The following ACSL5 variants were observed in gnomAD, a reference collection of about 807,000 sequenced individuals.
The protein encoded by ACSL5 is acyl-CoA synthetase long chain family member 5, also known as long-chain-fatty-acid--CoA ligase 5.
ACSL5 carries 50 observed loss-of-function variants against 84.9 expected under a neutral mutation model. The observed-to-expected ratio is 0.59, with a 90% confidence interval of 0.47 to 0.75. The LOEUF (loss-of-function observed/expected upper bound fraction) is 0.75, where lower values mean the gene tolerates loss of function less well. Ranked by LOEUF, ACSL5 falls within the 30% of genes least tolerant of loss-of-function variation. ACSL5 has a pLI of 0.00. For missense variants in ACSL5, 775 were observed against 830.4 expected, an observed-to-expected ratio of 0.93 and a Z score of 0.82; for synonymous variants, 280 against 300.7, an observed-to-expected ratio of 0.93 and a Z score of 0.71.
At chr10:112,390,017 C>A (rs1030398271) in intron 1 of ACSL5, among the ~76,000 whole-genome samples, 1 of 151,924 alleles carries the variant, frequency 6.6e-6, no homozygotes, top group African/African-American at 2.4e-5. Flanking sequence ...TCACTTGAGC[C>A]CAGCAGTTCA....
chr10:112,416,771 C>A (rs2133647633), intron 12 of ACSL5, 117 bp from the exon 13 acceptor site: 2 of 1,135,330 alleles, frequency 1.8e-6, no homozygotes, highest in East Asian at 2.4e-5. Flanking sequence ...CAATTCATGA[C>A]TGTGAGACTG....
intron 19 of ACSL5, 34 bp downstream of exon 19, chr10:112,426,393 C>A (rs1312737605): frequency 6.4e-7 from 1 of 1,573,198 alleles, no homozygotes; most frequent in East Asian, 2.2e-5. Flanking sequence ...TATGCACACC[C>A]ATGGGCCCAT....
rs776677744 is a variant in ACSL5, at chr10:112,413,213, A to G, written c.989A>G (p.Gln330Arg). 3 of 1,614,074 alleles carry G rather than the reference A, an allele frequency of 1.9e-6. No homozygotes were observed. The African/African-American group carries it at 4.0e-5, about 22-fold the overall frequency. ...TGTGGAGCCAGAGTTGGATTCTTCC[A>G]AGGGGATATTCGGTTGCTGGCTGAC... ...YSCGARVGFFQGDIRLLADDM... is the reference protein window; with the variant it reads ...YSCGARVGFFRGDIRLLADDM... The change falls in exon 12 of 21, where the codon CAA becomes CGA. Residue 330 changes from glutamine to arginine, a missense_variant. Coordinates refer to ENST00000354655, the MANE Select transcript of ACSL5 (RefSeq NM_203379.2).
intron 1 of ACSL5, among the ~76,000 whole-genome samples, chr10:112,382,741 T>C (rs1849375130): frequency 6.6e-6 from 1 of 152,234 alleles, no homozygotes. Context: ...TAACCCTTTC[T>C]CTGCCAGCTG....
rs924642330 is a variant in ACSL5 at position 112,428,303 on chromosome 10, C to T, written c.*945C>T. The T allele has an allele frequency of 5.1e-6, 2 of 394,760 alleles. No homozygotes were observed. The highest frequency in any genetic ancestry group is 8.9e-6 in the Non-Finnish European group (2 of 223,756). The allele number at this position is 394,760 out of a possible 1,614,324, so 24.5% of individuals were successfully genotyped here. ...CCACCCTTGGATTAGAGTTCCTGCT[C>T]TACCTTACCCACAGATAACACATGT... On this transcript the variant is annotated 3_prime_UTR_variant, in exon 21 of 21. Coordinates refer to ENST00000354655, the MANE Select transcript of ACSL5 (RefSeq NM_203379.2).
chr10:112,412,288 G>C, intron 11 of ACSL5: 1 of 293,338 alleles, frequency 3.4e-6, no homozygotes, highest in South Asian at 1.1e-4. Context: ...GCTGACACAA[G>C]ACATTGTCTT....
In ACSL5 at chr10:112,413,369, T is replaced by C. The variant is rs1844231423; in HGVS notation, c.1083+62T>C. ...GGGCCTGCACGAAGGAACTCTGTAC[T>C]ACTATGAGATTTACTCCACCTCTAC... On this transcript the variant is annotated intron_variant, in intron 12 of 20. Coordinates refer to ENST00000354655, the MANE Select transcript of ACSL5 (RefSeq NM_203379.2). 1.9e-6 allele frequency: 3 copies of C among 1,578,552 alleles called. No individual in the cohort carries two copies. The South Asian group carries it at 3.4e-5, about 18-fold the overall frequency.
At chr10:112,418,442 C>T (rs1384303099) in intron 14 of ACSL5, among the ~76,000 whole-genome samples, 3 of 151,998 alleles carry the variant, frequency 2.0e-5, no homozygotes, top group Non-Finnish European at 2.9e-5. Context: ...ATTAGCTGGG[C>T]GTGGTGGTGG....
At chr10:112,411,617 CACACACACAT>C in intron 10 of ACSL5, 88 bp downstream of exon 10, 3 of 1,176,138 alleles carry the variant, frequency 2.6e-6, no homozygotes, top group Non-Finnish European at 3.7e-6. Flanking sequence ...GGCAGACACA[CACACACACAT>C]ACACACACAC....
rs762155493 is a variant in ACSL5 at position 112,394,899 on chromosome 10, C to T, written c.-29-19C>T. Reference sequence around the variant, plus strand: ...TGGCCATTTCCTCTAAATTTTCTTTCCCCTGTTTTTTTTTTAAGGTCTGAA... The same window carrying T: ...TGGCCATTTCCTCTAAATTTTCTTTTCCCTGTTTTTTTTTTAAGGTCTGAA... On this transcript the variant is annotated intron_variant, in intron 1 of 20. Coordinates refer to ENST00000354655, the MANE Select transcript of ACSL5 (RefSeq NM_203379.2). 10 of 1,608,432 alleles carry T rather than the reference C, an allele frequency of 6.2e-6. No individual in the cohort carries two copies. In the African/African-American group the frequency reaches 1.3e-4, roughly 22 times the overall value.
intron 18 of ACSL5, 182 bp downstream of exon 18, chr10:112,425,663 C>A (rs1186378300): frequency 1.9e-6 from 1 of 523,944 alleles, no homozygotes. Flanking sequence ...TAAAAAATTT[C>A]AAAACTATGA....
At chr10:112,383,993 A>C (rs1274261243) in intron 1 of ACSL5, among the ~76,000 whole-genome samples, 1 of 152,056 alleles carries the variant, frequency 6.6e-6, no homozygotes, top group Admixed American at 6.6e-5. Context: ...CAGGAGCTCA[A>C]GACCAGCCTG....
chr10:112,417,689 C>G (rs1589696094), intron 13 of ACSL5, among the ~76,000 whole-genome samples, 157 bp from the exon 14 acceptor site: 1 of 152,126 alleles, frequency 6.6e-6, no homozygotes, highest in East Asian at 1.9e-4. Flanking sequence ...TTTCTACAAT[C>G]CAGACTGTAT....
intron 1 of ACSL5, among the ~76,000 whole-genome samples, chr10:112,380,188 A>T (rs1316746581): frequency 6.6e-6 from 1 of 152,110 alleles, no homozygotes; most frequent in Non-Finnish European, 1.5e-5. Context: ...TATCGACCTG[A>T]GCTCCTGTGG....
chr10:112,380,363 G>T (rs1849325371), intron 1 of ACSL5, among the ~76,000 whole-genome samples: 1 of 152,164 alleles, frequency 6.6e-6, no homozygotes, highest in South Asian at 2.1e-4. Context: ...GCTCTCTGGA[G>T]TATGTGAAGG....
rs1844472874 is a variant in ACSL5 at position 112,421,832 on chromosome 10, C to T, written c.1388-115C>T. 8.3e-6 allele frequency: 11 copies of T among 1,327,216 alleles called. 1 individual carries two copies. In the South Asian group the frequency reaches 1.3e-4, roughly 16 times the overall value. 82.2% of individuals were successfully genotyped at this position (1,327,216 alleles called of 1,614,324 possible). The stretch of plus-strand genomic sequence containing the variant: ...CTATCTTGGCTAGTCTGCATTGGTG[C>T]CAGGTGATTTTTCAGTCTTCCTCTT... On this transcript the variant is annotated intron_variant, in intron 15 of 20. Transcript: ENST00000354655.
At chr10:112,383,528 G>A (rs1287989471) in intron 1 of ACSL5, among the ~76,000 whole-genome samples, 1 of 152,228 alleles carries the variant, frequency 6.6e-6, no homozygotes, top group Non-Finnish European at 1.5e-5. Context: ...CCTTTGCTCT[G>A]GTTTCTTATC....
At chr10:112,426,749 T>G in intron 19 of ACSL5, 39 bp from the exon 20 acceptor site, 1 of 1,591,738 alleles carries the variant, frequency 6.3e-7, no homozygotes, top group Admixed American at 1.7e-5. Flanking sequence ...TCAGGCTTTT[T>G]GAAACAGCCA....
At chr10:112,375,621 C>T (rs1849221830) in intron 1 of ACSL5, 1 of 152,160 alleles carries the variant, frequency 6.6e-6, no homozygotes, top group African/African-American at 2.4e-5. Context: ...CCAGGGCCCC[C>T]CTGTAGCCAC....
Sources: allele counts gnomAD v4.1 joint callset (sites outside exome capture counted in the v4.1 genomes callset), GRCh38; gene constraint gnomAD v4.1.1; transcripts MANE v1.5; gene names NCBI Gene and HGNC (gene_info 2026-07-23, HGNC 2026-07-21).